Variants in RASEF observed in about 807,000 individuals in gnomAD.
RASEF encodes the protein ras and EF-hand domain-containing protein.
RASEF carries 68 observed loss-of-function variants against 90.1 expected under a neutral mutation model. The observed-to-expected ratio is 0.75, with a 90% CI of 0.62 to 0.92. RASEF has a LOEUF of 0.92. RASEF is among the 40% of genes least tolerant of loss of function. The pLI, the probability that RASEF is intolerant of heterozygous loss-of-function variation, is 0.00. For missense variants in RASEF, 949 were observed against 937.2 expected (o/e 1.01, Z -0.16); for synonymous variants, 331 against 345.2 (o/e 0.96, Z 0.46).
At chr9:83,074,711 AAAGCCTG>A in the RASEF span, among the ~76,000 whole-genome samples, 1 of 152,224 alleles carries the variant, frequency 6.6e-6, no homozygotes, top group Non-Finnish European at 1.5e-5. Flanking sequence ...TATGGCCTGC[AAAGCCTG>A]AAATAGTTCC....
chr9:83,141,603 G>A, the RASEF span, among the ~76,000 whole-genome samples: 3 of 152,182 alleles, frequency 2.0e-5, no homozygotes, highest in Non-Finnish European at 4.4e-5. Flanking sequence ...GTTCTTGTCC[G>A]GGGCTGCTCC....
the RASEF span, among the ~76,000 whole-genome samples, chr9:83,106,569 A>C: frequency 6.6e-6 from 1 of 152,050 alleles, no homozygotes; most frequent in African/African-American, 2.4e-5. Flanking sequence ...GACCCATGTA[A>C]CAGCTTGACC....
the RASEF span, among the ~76,000 whole-genome samples, chr9:83,153,757 C>T: frequency 6.6e-6 from 1 of 152,158 alleles, no homozygotes; most frequent in Non-Finnish European, 1.5e-5. Flanking sequence ...AGAAGGGAAA[C>T]AAAAAGATAA....
At chr9:83,015,103 G>A (rs981213724) in intron 4 of RASEF, among the ~76,000 whole-genome samples, 3 of 152,136 alleles carry the variant, frequency 2.0e-5, no homozygotes, top group Non-Finnish European at 2.9e-5. Context: ...CTACTTAGAA[G>A]AGCAATATTC....
In RASEF at chr9:83,001,189, G is replaced by A. The variant is rs1829032988; in HGVS notation, c.1203-59C>T. 3 of 1,219,994 alleles carry A rather than the reference G, an allele frequency of 2.5e-6. No homozygotes were observed. In the Admixed American group the frequency reaches 5.6e-5, roughly 23 times the overall value. The allele number at this position is 1,219,994 out of a possible 1,614,324, so 75.6% of individuals were successfully genotyped here. A position where few individuals can be genotyped will look rare whatever the true frequency, so the allele number is the denominator to read the frequency against. ...GGCTGGAAATGCTCAAGAACATACA[G>A]GCAATAGACCACATGCCATTAGATG... On this transcript the variant is annotated intron_variant, in intron 9 of 16. Coordinates refer to ENST00000376447, the MANE Select transcript of RASEF (RefSeq NM_152573.4).
At chr9:83,178,365 T>C in the RASEF span, among the ~76,000 whole-genome samples, 8 of 152,296 alleles carry the variant, frequency 5.3e-5, no homozygotes, top group Non-Finnish European at 8.8e-5. Context: ...TTTGAAATTC[T>C]CCCTTCCCAT....
the RASEF span, among the ~76,000 whole-genome samples, chr9:83,134,445 CACACAT>C: frequency 4.1e-4 from 62 of 151,268 alleles, no homozygotes; most frequent in African/African-American, 8.0e-4. Flanking sequence ...CACACACACA[CACACAT>C]ATATATATAT....
chr9:83,035,459 C>T (rs1336304347), intron 1 of RASEF, among the ~76,000 whole-genome samples: 4 of 152,178 alleles, frequency 2.6e-5, no homozygotes, highest in Non-Finnish European at 5.9e-5. Context: ...GATGAACAGG[C>T]TTTTATTCAC....
intron 1 of RASEF, chr9:83,048,339 G>A: frequency 1.0e-6 from 1 of 985,280 alleles, no homozygotes; most frequent in South Asian, 4.7e-5. Context: ...GAGTGTAGCT[G>A]GTCTGTTTGA....
chr9:83,082,604 G>A, the RASEF span, among the ~76,000 whole-genome samples: 2 of 152,128 alleles, frequency 1.3e-5, no homozygotes, highest in South Asian at 4.1e-4. Context: ...AAGACAAAAA[G>A]GAACAAAGGC....
At chr9:83,181,270 T>C in the RASEF span, among the ~76,000 whole-genome samples, 1 of 151,894 alleles carries the variant, frequency 6.6e-6, no homozygotes, top group Admixed American at 6.6e-5. Context: ...TAAGAGTCAC[T>C]TAAAGAGAAG....
chr9:83,129,377 A>G, the RASEF span, among the ~76,000 whole-genome samples: 1 of 151,104 alleles, frequency 6.6e-6, no homozygotes. Context: ...ACTGCACTCC[A>G]GCATGGGTGA....
At chr9:83,006,930 A>T (rs1829143964) in intron 7 of RASEF, among the ~76,000 whole-genome samples, 1 of 151,802 alleles carries the variant, frequency 6.6e-6, no homozygotes. Flanking sequence ...CGTCTCTACT[A>T]AAAAAATACA....
At position 82,982,492 on chromosome 9, in the gene RASEF, C is replaced by G; in HGVS notation, c.*185G>C. ...ATTTAGCCAGAGGGCCCAAATCACTCACTGAGACAAAACAAAGAAGAGCCA... is the reference window on the plus strand; with the variant it reads ...ATTTAGCCAGAGGGCCCAAATCACTGACTGAGACAAAACAAAGAAGAGCCA... On this transcript the variant is annotated 3_prime_UTR_variant, in exon 17 of 17. Transcript: ENST00000376447. 1 of 527,688 alleles carries G rather than the reference C, an allele frequency of 1.9e-6. No individual in the cohort carries two copies. 32.7% of individuals were successfully genotyped at this position (527,688 alleles called of 1,614,324 possible). A position where few individuals can be genotyped will look rare whatever the true frequency, so the allele number is the denominator to read the frequency against.
chr9:83,076,813 C>T, the RASEF span, among the ~76,000 whole-genome samples: 2 of 152,166 alleles, frequency 1.3e-5, no homozygotes, highest in African/African-American at 4.8e-5. Context: ...TCACATAATT[C>T]TTGAAATATG....
chr9:82,986,590 C>T (rs540228653), intron 16 of RASEF, among the ~76,000 whole-genome samples: 2 of 152,224 alleles, frequency 1.3e-5, no homozygotes, highest in Non-Finnish European at 2.9e-5. Flanking sequence ...TATAAAGATA[C>T]AATTCCAAAC....
chr9:83,123,542 G>A, the RASEF span, among the ~76,000 whole-genome samples: 2 of 147,612 alleles, frequency 1.4e-5, no homozygotes, highest in Non-Finnish European at 3.0e-5. Context: ...AAAAGATACA[G>A]AATTGATCCT....
chr9:83,163,189 C>A, the RASEF span, among the ~76,000 whole-genome samples: 1 of 152,182 alleles, frequency 6.6e-6, no homozygotes, highest in Non-Finnish European at 1.5e-5. Flanking sequence ...ATCCACAGTC[C>A]ATAGGCATGG....
At chr9:83,007,360 T>TTCTATGTGTTATG in intron 7 of RASEF, 77 bp downstream of exon 7, 1 of 1,166,298 alleles carries the variant, frequency 8.6e-7, no homozygotes, top group Non-Finnish European at 1.3e-6. Flanking sequence ...GCAACTCACG[T>TTCTATGTGTTATG]TCTATGTGTT....
Sources: gnomAD v4.1 joint callset for allele counts (sites outside exome capture counted in the v4.1 genomes callset) on GRCh38, gnomAD v4.1.1 for gene constraint, MANE v1.5 for transcripts, NCBI Gene and HGNC (gene_info 2026-07-23, HGNC 2026-07-21) for gene names.